Variants in PLS1 observed in about 807,000 individuals in gnomAD.
PLS1 encodes plastin 1, also known as plastin-1.
Under a neutral mutation model 73.7 loss-of-function variants are expected in PLS1, and 32 were observed. That is an observed-to-expected ratio of 0.43 (90% CI 0.33 to 0.58). The LOEUF is 0.58. Ranked by LOEUF, PLS1 falls within the 20% of genes least tolerant of loss-of-function variation. PLS1 has a pLI of 0.04. For synonymous variants in PLS1, 217 were observed against 261.3 expected (o/e 0.83, Z 1.63); for missense variants, 633 against 740.5 (o/e 0.85, Z 1.68).
chr3:142,694,252 A>C (rs183048950), intron 10 of PLS1, among the ~76,000 whole-genome samples: 1 of 152,264 alleles, frequency 6.6e-6, no homozygotes, highest in East Asian at 1.9e-4. Context: ...AAGGGAATCT[A>C]GAAGGAGAGA....
chr3:142,657,155 T>G (rs1325113940), intron 1 of PLS1: 1 of 152,430 alleles, frequency 6.6e-6, no homozygotes, highest in South Asian at 2.1e-4. Flanking sequence ...GAAACACCCC[T>G]TGGCTTAGTC....
At chr3:142,638,381 G>T (rs9816377) in intron 1 of PLS1, among the ~76,000 whole-genome samples, 4 of 152,022 alleles carry the variant, frequency 2.6e-5, no homozygotes, top group Non-Finnish European at 5.9e-5. Context: ...GTGTTGAGAA[G>T]GCAGAAGTGC....
At position 142,704,635 on chromosome 3, in the gene PLS1, A is replaced by ATTTTTTTT. The variant is rs10631186; in HGVS notation, c.1629+72_1629+79dup. On this transcript the variant is annotated intron_variant, in intron 14 of 15. Coordinates refer to ENST00000457734, the MANE Select transcript of PLS1 (RefSeq NM_001145319.2). Reference sequence around the variant, plus strand: ...TTTTTTTTTGTAGGTATAGGAAGGAATTTTTTTTTTTTTTTTTTTTTTTTT... The same window carrying ATTTTTTTT: ...TTTTTTTTTGTAGGTATAGGAAGGAATTTTTTTTTTTTTTTTTTTTTTTTTTTTTTTTT... 1,153 of 261,928 alleles carry ATTTTTTTT rather than the reference A, an allele frequency of 4.4e-3. 86 individuals are homozygous for ATTTTTTTT. Among genetic ancestry groups the ATTTTTTTT allele is most frequent in the East Asian group, 0.012 (107 of 8,618 alleles). The allele number at this position is 261,928 out of a possible 1,614,324, so 16.2% of individuals were successfully genotyped here.
intron 12 of PLS1, among the ~76,000 whole-genome samples, chr3:142,703,289 A>ATT (rs56392615): frequency 7.5e-4 from 79 of 105,040 alleles, no homozygotes; most frequent in Non-Finnish European, 1.2e-3. Flanking sequence ...ATAGTCAAGA[A>ATT]TTTTTTTTTT....
chr3:142,650,500 T>C (rs2037063724), intron 1 of PLS1, among the ~76,000 whole-genome samples: 1 of 152,146 alleles, frequency 6.6e-6, no homozygotes, highest in African/African-American at 2.4e-5. Context: ...CATGTGGGGA[T>C]TCTCATTATA....
chr3:142,654,462 C>T (rs1409559647), intron 1 of PLS1, among the ~76,000 whole-genome samples: 1 of 152,196 alleles, frequency 6.6e-6, no homozygotes, highest in African/African-American at 2.4e-5. Context: ...GCTCCCATCT[C>T]AGCCTCCCAA....
chr3:142,604,117 G>C (rs1207636224), intron 1 of PLS1, among the ~76,000 whole-genome samples: 1 of 152,060 alleles, frequency 6.6e-6, no homozygotes, highest in Non-Finnish European at 1.5e-5. Context: ...TGAGAACTAA[G>C]AAATAAGAGA....
chr3:142,601,147 G>A (rs944387944), intron 1 of PLS1, among the ~76,000 whole-genome samples: 7 of 149,500 alleles, frequency 4.7e-5, no homozygotes, highest in African/African-American at 7.4e-5. Flanking sequence ...GGATGGTCTC[G>A]ATCTCCTGAC....
intron 2 of PLS1, among the ~76,000 whole-genome samples, chr3:142,668,522 A>T (rs1290172003): frequency 6.6e-6 from 1 of 151,814 alleles, no homozygotes; most frequent in Non-Finnish European, 1.5e-5. Context: ...GGGTCAGCAG[A>T]TTTATTTTCT....
chr3:142,623,292 T>G (rs762631722), intron 1 of PLS1: 2 of 152,056 alleles, frequency 1.3e-5, no homozygotes, highest in Non-Finnish European at 2.9e-5. Flanking sequence ...TCAAATAGAA[T>G]GATGATGACA....
At chr3:142,645,466 T>C (rs928338206) in intron 1 of PLS1, 2 of 152,238 alleles carry the variant, frequency 1.3e-5, no homozygotes, top group Non-Finnish European at 2.9e-5. Context: ...TGGGTAGGAC[T>C]CCTCTGCTCA....
intron 1 of PLS1, among the ~76,000 whole-genome samples, chr3:142,650,472 C>G (rs944218723): frequency 3.3e-5 from 5 of 152,200 alleles, no homozygotes; most frequent in East Asian, 3.9e-4. Flanking sequence ...CCTCTACTTC[C>G]TCTCTGATTC....
intron 1 of PLS1, among the ~76,000 whole-genome samples, chr3:142,642,941 C>G (rs1051670520): frequency 9.9e-5 from 15 of 152,144 alleles, no homozygotes; most frequent in South Asian, 2.1e-4. Flanking sequence ...TCTGCCTACC[C>G]CACCACCATC....
intron 1 of PLS1, among the ~76,000 whole-genome samples, chr3:142,639,611 A>C (rs1163818065): frequency 6.6e-6 from 1 of 152,132 alleles, no homozygotes; most frequent in Non-Finnish European, 1.5e-5. Flanking sequence ...CAGATGGTGA[A>C]TTTTATTGAT....
intron 1 of PLS1, among the ~76,000 whole-genome samples, chr3:142,600,905 TATATA>T (rs1560024475): frequency 1.9e-3 from 59 of 31,444 alleles, no homozygotes; most frequent in African/African-American, 8.7e-3. Context: ...TATATATATA[TATATA>T]TATATATTTT....
intron 2 of PLS1, among the ~76,000 whole-genome samples, chr3:142,666,797 C>T (rs145591234): frequency 2.6e-5 from 4 of 152,336 alleles, no homozygotes; most frequent in African/African-American, 9.6e-5. Flanking sequence ...TTCACATCCT[C>T]ACCAACACTT....
chr3:142,654,105 C>A (rs2037164384), intron 1 of PLS1, among the ~76,000 whole-genome samples: 1 of 152,134 alleles, frequency 6.6e-6, no homozygotes, highest in African/African-American at 2.4e-5. Context: ...TCCCAAATTG[C>A]AAATGCATGG....
intron 6 of PLS1, among the ~76,000 whole-genome samples, chr3:142,681,544 T>C (rs1168487951): frequency 6.6e-6 from 1 of 152,214 alleles, no homozygotes; most frequent in Non-Finnish European, 1.5e-5. Context: ...TGTTAGACAG[T>C]CCAAGCCTAA....
chr3:142,679,346 C>T lies in PLS1; in HGVS notation c.579+1233C>T, dbSNP rs1254048822. Among the ~76,000 whole-genome samples the T allele has an allele frequency of 3.4e-3, 515 of 150,008 alleles. 4 individuals carry two copies. Among genetic ancestry groups the T allele is most frequent in the African/African-American group, 0.012 (493 of 40,960 alleles). ...TGGTGTTTTAGACATGAAGTCCTTGCCCATGCCTATGTCCTGAATGGTAAT... is the reference window on the plus strand; with the variant it reads ...TGGTGTTTTAGACATGAAGTCCTTGTCCATGCCTATGTCCTGAATGGTAAT... On this transcript the variant is annotated intron_variant, in intron 6 of 15. Transcript: ENST00000457734.
Sources: allele counts gnomAD v4.1 joint callset (sites outside exome capture counted in the v4.1 genomes callset), GRCh38; gene constraint gnomAD v4.1.1; transcripts MANE v1.5; gene names NCBI Gene and HGNC (gene_info 2026-07-23, HGNC 2026-07-21).